TMEM132D: variants seen among roughly 807,000 people sequenced by gnomAD.
TMEM132D encodes the protein transmembrane protein 132D, also known as mature OL transmembrane protein.
Under a neutral mutation model 62.3 loss-of-function variants are expected in TMEM132D, and 21 were observed. That is an observed-to-expected ratio of 0.34 (90% CI 0.24 to 0.49). TMEM132D has a LOEUF of 0.49. Among genes scored for constraint, TMEM132D ranks in the 20% least tolerant of loss-of-function variants. The probability of loss-of-function intolerance (pLI) is 0.99; values close to 1 mark genes in which losing one functional copy is unlikely to be tolerated. For synonymous variants in TMEM132D, 621 were observed against 575.6 expected (o/e 1.08, Z -1.13); for missense variants, 1,346 against 1,402.8 (o/e 0.96, Z 0.65).
intron 4 of TMEM132D, among the ~76,000 whole-genome samples, chr12:129,229,747 C>A (rs983763560): frequency 1.3e-5 from 2 of 152,188 alleles, no homozygotes; most frequent in Admixed American, 6.5e-5. Flanking sequence ...AGAATTTTAA[C>A]CCTCTAGAGG....
At chr12:129,847,311 C>T (rs1873394058) in intron 1 of TMEM132D, among the ~76,000 whole-genome samples, 1 of 152,186 alleles carries the variant, frequency 6.6e-6, no homozygotes. Flanking sequence ...AGCCTCTTTG[C>T]TGGCACTTTC....
intron 5 of TMEM132D, among the ~76,000 whole-genome samples, chr12:129,185,371 CAAAAT>C (rs1878191416): frequency 6.6e-6 from 1 of 151,970 alleles, no homozygotes; most frequent in South Asian, 2.1e-4. Flanking sequence ...GAAAACAAAA[CAAAAT>C]AAAACAAATA....
intron 3 of TMEM132D, among the ~76,000 whole-genome samples, chr12:129,527,537 T>C (rs1566099173): frequency 6.6e-6 from 1 of 152,168 alleles, no homozygotes; most frequent in Non-Finnish European, 1.5e-5. Context: ...CTGGAGAACT[T>C]AAATAAATGT....
At chr12:129,675,751 A>AT (rs1312499134) in intron 2 of TMEM132D, among the ~76,000 whole-genome samples, 1 of 152,142 alleles carries the variant, frequency 6.6e-6, no homozygotes, top group Non-Finnish European at 1.5e-5. Flanking sequence ...ACGCTGCCTA[A>AT]TATCCTACAG....
At chr12:129,725,739 A>G (rs184166236) in intron 1 of TMEM132D, among the ~76,000 whole-genome samples, 2 of 152,366 alleles carry the variant, frequency 1.3e-5, no homozygotes, top group Non-Finnish European at 2.9e-5. Context: ...TTTATTTCCA[A>G]TGGATAAGGC....
At chr12:129,694,027 C>G (rs1006669704) in intron 2 of TMEM132D, among the ~76,000 whole-genome samples, 1 of 152,222 alleles carries the variant, frequency 6.6e-6, no homozygotes, top group Non-Finnish European at 1.5e-5. Context: ...TGAATCCTCT[C>G]TCTGGTGTAC....
At position 129,286,277 on chromosome 12, in the gene TMEM132D, G is replaced by A. The variant is rs191369634; in HGVS notation, c.1299+51357C>T. On this transcript the variant is annotated intron_variant, in intron 4 of 8. Coordinates refer to ENST00000422113, the MANE Select transcript of TMEM132D (RefSeq NM_133448.3). ...ACCCAAAATATACGTGGGCATTGGT[G>A]TTTCATGTATGGTGTTTAATAAAAT... Among the ~76,000 whole-genome samples the A allele has an allele frequency of 7.9e-5, 12 of 152,308 alleles. 1 individual carries two copies. Among genetic ancestry groups the A allele is most frequent in the Middle Eastern group, 6.8e-3 (2 of 294 alleles).
intron 1 of TMEM132D, among the ~76,000 whole-genome samples, chr12:129,822,209 G>A (rs1480861980): frequency 6.6e-6 from 1 of 152,138 alleles, no homozygotes; most frequent in Non-Finnish European, 1.5e-5. Flanking sequence ...CACTGAGCAG[G>A]GCTGGAGGGG....
In TMEM132D at chr12:129,329,810, C is replaced by T. The variant is rs143759613; in HGVS notation, c.1299+7824G>A. Among the ~76,000 whole-genome samples the T allele has an allele frequency of 1.3e-4, 20 of 152,206 alleles. No individual in the cohort carries two copies. In the East Asian group the frequency reaches 3.9e-3, roughly 29 times the overall value. On this transcript the variant is annotated intron_variant, in intron 4 of 8. Coordinates refer to ENST00000422113, the MANE Select transcript of TMEM132D (RefSeq NM_133448.3). ...ATCACAGTACTGGAAGGATGTAACACAAACCAGGAGAATACGTGTGCCAGG... is the reference window on the plus strand; with the variant it reads ...ATCACAGTACTGGAAGGATGTAACATAAACCAGGAGAATACGTGTGCCAGG...
chr12:129,578,487 TTATA>T (rs1338052821), intron 2 of TMEM132D, among the ~76,000 whole-genome samples: 1 of 150,388 alleles, frequency 6.6e-6, no homozygotes, highest in Non-Finnish European at 1.5e-5. Context: ...GATAATAAAA[TTATA>T]TATCTATTAT....
intron 5 of TMEM132D, among the ~76,000 whole-genome samples, chr12:129,182,066 T>C (rs551671374): frequency 1.3e-5 from 2 of 152,066 alleles, no homozygotes; most frequent in South Asian, 4.2e-4. Flanking sequence ...CCATTATGGA[T>C]AGAAAGAGGA....
intron 2 of TMEM132D, among the ~76,000 whole-genome samples, chr12:129,647,243 G>GTTTTTTTTTTTTTTT (rs57450911): frequency 8.5e-6 from 1 of 117,592 alleles, no homozygotes; most frequent in Non-Finnish European, 1.7e-5. Context: ...TTGTTTTTCT[G>GTTTTTTTTTTTTTTT]TTTTTTTTTT....
intron 4 of TMEM132D, among the ~76,000 whole-genome samples, chr12:129,269,764 T>A (rs187960776): frequency 6.6e-6 from 1 of 152,292 alleles, no homozygotes; most frequent in East Asian, 1.9e-4. Flanking sequence ...TGGTCTCTCG[T>A]GTCTCGTTAT....
intron 2 of TMEM132D, among the ~76,000 whole-genome samples, chr12:129,674,043 C>A (rs1394052005): frequency 6.6e-6 from 1 of 152,146 alleles, no homozygotes; most frequent in East Asian, 1.9e-4. Flanking sequence ...GAAATCAGTG[C>A]CTCCCAGCAA....
chr12:129,893,580 C>G (rs979207676), intron 1 of TMEM132D, among the ~76,000 whole-genome samples: 16 of 152,216 alleles, frequency 1.1e-4, no homozygotes, highest in African/African-American at 3.9e-4. Flanking sequence ...GGAGTTTCTT[C>G]AATATTACTT....
chr12:129,610,248 G>A (rs776624423), intron 2 of TMEM132D, among the ~76,000 whole-genome samples: 16 of 146,660 alleles, frequency 1.1e-4, no homozygotes, highest in Non-Finnish European at 1.9e-4. Context: ...TTGCACTCCA[G>A]CCTGGGCGAC....
rs1392560942 is a variant in TMEM132D, at chr12:129,749,402, T to A, written c.80-48704A>T. Among the ~76,000 whole-genome samples the A allele has an allele frequency of 2.0e-5, 3 of 152,158 alleles. No individual in the cohort carries two copies. The East Asian group carries it at 5.8e-4, about 29-fold the overall frequency. On this transcript the variant is annotated intron_variant, in intron 1 of 8. Transcript: ENST00000422113. ...AACTGTCATTAATCAGAGGTGTCTC[T>A]TCAGGTGAGGCAACAGCTTAATTTT...
chr12:129,876,582 C>T (rs923914773), intron 1 of TMEM132D, among the ~76,000 whole-genome samples: 37 of 152,308 alleles, frequency 2.4e-4, no homozygotes, highest in African/African-American at 8.7e-4. Flanking sequence ...GCTCATGTAA[C>T]TGAACAGCTC....
chr12:129,459,067 G>A (rs901192727), intron 3 of TMEM132D, among the ~76,000 whole-genome samples: 11 of 152,174 alleles, frequency 7.2e-5, no homozygotes, highest in African/African-American at 2.2e-4. Flanking sequence ...TCAGCGGGTT[G>A]TAATGGCACC....
Sources: allele counts gnomAD v4.1 joint callset (sites outside exome capture counted in the v4.1 genomes callset), GRCh38; gene constraint gnomAD v4.1.1; transcripts MANE v1.5; gene names NCBI Gene and HGNC (gene_info 2026-07-23, HGNC 2026-07-21).